MTOR: variants seen among roughly 807,000 people sequenced by gnomAD.
MTOR encodes the protein mechanistic target of rapamycin kinase.
A neutral mutation model predicts 319.8 loss-of-function variants in MTOR; 70 were observed. The ratio of observed to expected loss-of-function variants is 0.22; its 90% CI spans 0.18 to 0.27. The LOEUF (loss-of-function observed/expected upper bound fraction) is 0.27. MTOR is among the 10% of genes least tolerant of loss of function. MTOR has a pLI of 1.00. For synonymous variants in MTOR, 1,183 were observed against 1,211.4 expected (o/e 0.98, Z 0.49); for missense variants, 1,890 against 3,274.4 (o/e 0.58, Z 10.32).
intron 30 of MTOR, among the ~76,000 whole-genome samples, chr1:11,156,064 C>T (rs1644309670): frequency 6.6e-6 from 1 of 152,150 alleles, no homozygotes; most frequent in Admixed American, 6.5e-5. Context: ...AATCTCAGCT[C>T]ACTGCAACCT....
At chr1:11,194,749 G>C (rs1261589508) in intron 28 of MTOR, 2 of 1,598,734 alleles carry the variant, frequency 1.3e-6, no homozygotes, top group Non-Finnish European at 1.7e-6. Flanking sequence ...CTGTACAGTT[G>C]ATATTCCGGT....
At chr1:11,205,384 A>G (rs970583567) in intron 25 of MTOR, among the ~76,000 whole-genome samples, 4 of 152,232 alleles carry the variant, frequency 2.6e-5, no homozygotes, top group Admixed American at 6.5e-5. Flanking sequence ...GTTATATAAC[A>G]TAATTGGCTC....
chr1:11,192,659 T>C (rs1205593), intron 28 of MTOR, among the ~76,000 whole-genome samples: 113,038 of 151,018 alleles, frequency 0.75, 42,590 homozygotes, highest in East Asian at 0.94. Flanking sequence ...ACAGGAGGAT[T>C]GCTTGAACTC....
chr1:11,115,565 C>A lies in MTOR; in HGVS notation c.7017-97G>T. The A allele has an allele frequency of 8.5e-7, 1 of 1,174,928 alleles. No individual in the cohort carries two copies. The highest frequency in any genetic ancestry group is 1.5e-5 in the African/African-American group (1 of 66,644). The allele number at this position is 1,174,928 out of a possible 1,614,324, so 72.8% of individuals were successfully genotyped here. A position where few individuals can be genotyped will look rare whatever the true frequency, so the allele number is the denominator to read the frequency against. On this transcript the variant is annotated intron_variant, in intron 50 of 57. Transcript: ENST00000361445. The surrounding 1 kb of genome is among the most constrained non-coding windows in gnomAD (Gnocchi z 4.5). The stretch of plus-strand genomic sequence containing the variant: ...ATACTGTAAGCTAGGAGTTGGCAAA[C>A]GATAGCCCTCAGCCAATCCAGCCCC...
intron 30 of MTOR, among the ~76,000 whole-genome samples, chr1:11,150,550 T>C (rs1004263254): frequency 1.3e-5 from 2 of 152,214 alleles, no homozygotes; most frequent in African/African-American, 4.8e-5. Flanking sequence ...CTCTTTCCCT[T>C]TGGCAGGCCT....
chr1:11,226,729 A>G (rs1253336531), intron 19 of MTOR, among the ~76,000 whole-genome samples: 1 of 151,960 alleles, frequency 6.6e-6, no homozygotes, highest in Admixed American at 6.6e-5. Context: ...AGCCCATATC[A>G]CCTATTGCAA....
At chr1:11,259,492 G>T in intron 1 of MTOR, 69 bp from the exon 2 acceptor site, 1 of 1,478,782 alleles carries the variant, frequency 6.8e-7, no homozygotes, top group Non-Finnish European at 9.0e-7. Flanking sequence ...TATGGCCCTG[G>T]TCACCCAACA....
rs1642725335 is a variant in MTOR, at chr1:11,124,640, G to A, written c.6527-7C>T. On this transcript the variant is annotated splice_region_variant and splice_polypyrimidine_tract_variant and intron_variant, in intron 46 of 57. Transcript: ENST00000361445. ...AACTCATGTCCGTTGCTGCCTGTAA[G>A]GAACAGTGGGAGCGGTGAGTGTACA... 4 of 1,605,226 alleles carry A rather than the reference G, an allele frequency of 2.5e-6. No homozygotes were observed. The highest frequency in any genetic ancestry group is 3.4e-6 in the Non-Finnish European group (4 of 1,172,366).
intron 3 of MTOR, 117 bp downstream of exon 3, chr1:11,258,368 G>T: frequency 2.8e-6 from 2 of 719,154 alleles, no homozygotes. Context: ...TAAAAGCCAC[G>T]GGCTTCTTAA....
Position 11,213,901 on chromosome 1 carries a change from TTTC to T in MTOR, c.3118-338_3118-336del, listed in dbSNP as rs577171313. ...CTAGCCTCACTTCTCCCATGCAGGCTTTCTTCTTCTCCTTCCATGATCCACTTG... is the reference window on the plus strand; with the variant it reads ...CTAGCCTCACTTCTCCCATGCAGGCTTTCTTCTCCTTCCATGATCCACTTG... On this transcript the variant is annotated intron_variant, in intron 20 of 57. Coordinates refer to ENST00000361445, the MANE Select transcript of MTOR (RefSeq NM_004958.4). 3.3e-3 allele frequency among the ~76,000 whole-genome samples: 500 copies of T among 152,344 alleles called. 1 individual carries two copies. The highest frequency in any genetic ancestry group is 5.7e-3 in the Non-Finnish European group (389 of 68,036).
chr1:11,106,685 C>G lies in MTOR; in HGVS notation c.*800G>C. ...ATATGTACCAGACCTTCCCTGTGTT[C>G]AGCACCTCCATGACAGTATTTCTGT... On this transcript the variant is annotated 3_prime_UTR_variant, in exon 58 of 58. Coordinates refer to ENST00000361445, the MANE Select transcript of MTOR (RefSeq NM_004958.4). 8.6e-7 allele frequency: 1 copy of G among 1,159,122 alleles called. No individual in the cohort carries two copies. The highest frequency in any genetic ancestry group is 1.1e-6 in the Non-Finnish European group (1 of 932,084). The allele number at this position is 1,159,122 out of a possible 1,614,324, so 71.8% of individuals were successfully genotyped here.
At chr1:11,190,920 G>T (rs777541208) in intron 28 of MTOR, among the ~76,000 whole-genome samples, 9 of 152,178 alleles carry the variant, frequency 5.9e-5, no homozygotes, top group Non-Finnish European at 1.2e-4. Context: ...GTTTTAACAT[G>T]AAACCAAGCT....
At position 11,109,179 on chromosome 1, in the gene MTOR, T is replaced by C; in HGVS notation, c.7528+111A>G. On this transcript the variant is annotated intron_variant, in intron 56 of 57. Coordinates refer to ENST00000361445, the MANE Select transcript of MTOR (RefSeq NM_004958.4). This position sits in a 1 kb window ranked among gnomAD's most constrained non-coding sequence, Gnocchi z 4.0. ...TCAAAGACACTCTTTGTCAGCTGCA[T>C]GGTGCCAAAGCTCGTCACTAACACC... 1 of 865,792 alleles carries C rather than the reference T, an allele frequency of 1.2e-6. No individual in the cohort carries two copies. The highest frequency in any genetic ancestry group is 1.8e-6 in the Non-Finnish European group (1 of 541,638). 53.6% of individuals were successfully genotyped at this position (865,792 alleles called of 1,614,324 possible).
rs139043855 is a variant in MTOR at position 11,129,799 on chromosome 1, C to A, written c.5653G>T (p.Val1885Phe). 1.2e-6 allele frequency: 2 copies of A among 1,614,054 alleles called. No individual in the cohort carries two copies. The highest frequency in any genetic ancestry group is 1.3e-5 in the African/African-American group (1 of 74,930). The change falls in exon 40 of 58, where the codon GTC (valine) becomes TTC (phenylalanine). Residue 1885 changes from valine (V) to phenylalanine (F), a missense_variant. Transcript: ENST00000361445. This position sits in a 1 kb window ranked among gnomAD's most constrained non-coding sequence, Gnocchi z 4.7. ...GAGATGGAACGGAAGAAGCCCTGGACGGCAGGCACCGTGTACATCAGGAGG... is the reference window on the plus strand; with the variant it reads ...GAGATGGAACGGAAGAAGCCCTGGAAGGCAGGCACCGTGTACATCAGGAGG... ...KTLLMYTVPA[V>F]QGFFRSISLS...
At chr1:11,167,931 G>C (rs966673125) in intron 28 of MTOR, among the ~76,000 whole-genome samples, 5 of 152,124 alleles carry the variant, frequency 3.3e-5, no homozygotes, top group African/African-American at 1.2e-4. Flanking sequence ...TTAGCCGGGC[G>C]TGGTGGCAGG....
Position 11,212,596 on chromosome 1 carries a change from T to C in MTOR, c.3399-122A>G. ...GGAATGAACGGCTTCTAAGGTATTT[T>C]GGATGACATGGATCCAACATTTATT... On this transcript the variant is annotated intron_variant, in intron 22 of 57. Coordinates refer to ENST00000361445, the MANE Select transcript of MTOR (RefSeq NM_004958.4). This position sits in a 1 kb window ranked among gnomAD's most constrained non-coding sequence, Gnocchi z 4.1. The C allele has an allele frequency of 8.1e-7, 1 of 1,235,846 alleles. No individual in the cohort carries two copies. The highest frequency in any genetic ancestry group is 1.1e-6 in the Non-Finnish European group (1 of 886,880). 76.6% of individuals were successfully genotyped at this position (1,235,846 alleles called of 1,614,324 possible). A position where few individuals can be genotyped will look rare whatever the true frequency, so the allele number is the denominator to read the frequency against.
chr1:11,182,837 T>G (rs1278167373), intron 28 of MTOR, among the ~76,000 whole-genome samples: 1 of 152,260 alleles, frequency 6.6e-6, no homozygotes, highest in Non-Finnish European at 1.5e-5. Context: ...TTTCACGGTG[T>G]GAATATACCA....
intron 26 of MTOR, among the ~76,000 whole-genome samples, chr1:11,203,567 G>A (rs1418492419): frequency 1.3e-5 from 2 of 152,102 alleles, no homozygotes; most frequent in South Asian, 2.1e-4. Flanking sequence ...CCAGCTACAC[G>A]GGAGGCTGAG....
chr1:11,194,622 T>C (rs773850987), intron 28 of MTOR: 6 of 1,614,100 alleles, frequency 3.7e-6, no homozygotes, highest in Non-Finnish European at 5.1e-6. Context: ...ACAAGGACAA[T>C]GACAACTGCT....
Sources: gnomAD v4.1 joint callset for allele counts (sites outside exome capture counted in the v4.1 genomes callset) on GRCh38, gnomAD v4.1.1 for gene constraint, Gnocchi (gnomAD v3.1) non-coding constraint, MANE v1.5 for transcripts, NCBI Gene and HGNC (gene_info 2026-07-23, HGNC 2026-07-21) for gene names.